Variants in GRIN2B observed in about 807,000 individuals in gnomAD.
The protein encoded by GRIN2B is glutamate receptor ionotropic, NMDA 2B.
Under a neutral mutation model 114.5 loss-of-function variants are expected in GRIN2B, and 5 were observed. The ratio of observed to expected loss-of-function variants is 0.04; its 90% confidence interval spans 0.02 to 0.09. GRIN2B has a LOEUF of 0.09. GRIN2B is among the 10% of genes least tolerant of loss of function. The pLI is 1.00. For missense variants in GRIN2B, 1,108 were observed against 1,943.5 expected (o/e 0.57, Z 8.08); for synonymous variants, 787 against 745.1 (o/e 1.06, Z -0.92).
intron 5 of GRIN2B, among the ~76,000 whole-genome samples, chr12:13,647,200 T>C (rs778353210): frequency 9.9e-5 from 15 of 152,136 alleles, no homozygotes; most frequent in Non-Finnish European, 1.6e-4. Context: ...AAGTATGTGC[T>C]GTTTAAGCCA....
chr12:13,830,765 AT>A (rs1200549014), intron 3 of GRIN2B, among the ~76,000 whole-genome samples: 1 of 152,258 alleles, frequency 6.6e-6, no homozygotes, highest in Non-Finnish European at 1.5e-5. Context: ...TTCTGCCTGA[AT>A]ATTCCTTAAA....
chr12:13,585,360 A>T (rs542756292), intron 10 of GRIN2B, among the ~76,000 whole-genome samples: 3 of 152,156 alleles, frequency 2.0e-5, no homozygotes, highest in Non-Finnish European at 4.4e-5. Context: ...AATCAATCAG[A>T]TCTGTCAGTT....
chr12:13,880,340 C>T (rs570387294), intron 2 of GRIN2B, among the ~76,000 whole-genome samples: 1 of 152,168 alleles, frequency 6.6e-6, no homozygotes, highest in Non-Finnish European at 1.5e-5. Context: ...CAAGAGCCCA[C>T]GGAAGGAATG....
At chr12:13,572,526 A>C (rs903129084) in intron 10 of GRIN2B, among the ~76,000 whole-genome samples, 8 of 152,146 alleles carry the variant, frequency 5.3e-5, no homozygotes, top group Non-Finnish European at 8.8e-5. Context: ...TTTATCCCAC[A>C]TGAGTTGTAG....
In GRIN2B at chr12:13,900,312, G is replaced by A. The variant is rs144544946; in HGVS notation, c.-18-34086C>T. Among the ~76,000 whole-genome samples the A allele has an allele frequency of 8.8e-4, 134 of 151,762 alleles. 1 individual carries two copies. The East Asian group carries it at 0.023, about 26-fold the overall frequency. ...AATGTGGAGAAACCCCGTCTCGACT[G>A]AAAATACAAAAAATTAGCTGGTCAT... On this transcript the variant is annotated intron_variant, in intron 2 of 13. Coordinates refer to ENST00000609686, the MANE Select transcript of GRIN2B (RefSeq NM_000834.5).
intron 5 of GRIN2B, among the ~76,000 whole-genome samples, chr12:13,637,394 T>G (rs1949675349): frequency 1.3e-5 from 2 of 152,150 alleles, no homozygotes; most frequent in African/African-American, 4.8e-5. Flanking sequence ...TGGCCCATGT[T>G]GAGTAGGTTA....
intron 3 of GRIN2B, among the ~76,000 whole-genome samples, chr12:13,774,107 G>C (rs1467628295): frequency 6.6e-6 from 1 of 152,200 alleles, no homozygotes; most frequent in Admixed American, 6.5e-5. Context: ...GTGGATACTA[G>C]AGAGAACTTC....
At chr12:13,583,876 C>T (rs1210687462) in intron 10 of GRIN2B, among the ~76,000 whole-genome samples, 1 of 152,012 alleles carries the variant, frequency 6.6e-6, no homozygotes, top group Admixed American at 6.5e-5. Context: ...CACTGTGAAC[C>T]CCACAGTGCT....
At chr12:13,855,278 A>G (rs1237688249) in intron 3 of GRIN2B, among the ~76,000 whole-genome samples, 4 of 152,068 alleles carry the variant, frequency 2.6e-5, no homozygotes, top group Non-Finnish European at 5.9e-5. Flanking sequence ...CAAAAGCTCT[A>G]TTTGTATCAC....
At position 13,754,061 on chromosome 12, in the gene GRIN2B, A is replaced by C. The variant is rs963609915; in HGVS notation, c.412-146T>G. 1.3e-5 allele frequency: 8 copies of C among 604,554 alleles called. No individual in the cohort carries two copies. The Admixed American group carries it at 2.1e-4, about 16-fold the overall frequency. 37.4% of individuals were successfully genotyped at this position (604,554 alleles called of 1,614,324 possible). A position where few individuals can be genotyped will look rare whatever the true frequency, so the allele number is the denominator to read the frequency against. On this transcript the variant is annotated intron_variant, in intron 3 of 13. Transcript: ENST00000609686. ...CTTTACAAGTTTGTATTTACAATAAATATTTTTAAATATTTAAATTGCAGA... is the reference window on the plus strand; with the variant it reads ...CTTTACAAGTTTGTATTTACAATAACTATTTTTAAATATTTAAATTGCAGA...
At chr12:13,849,009 C>T (rs958226451) in intron 3 of GRIN2B, among the ~76,000 whole-genome samples, 1 of 148,400 alleles carries the variant, frequency 6.7e-6, no homozygotes, top group Non-Finnish European at 1.5e-5. Flanking sequence ...AACTGCAGGG[C>T]CAAATGGGTG....
chr12:13,977,147 T>G (rs1863035371), intron 2 of GRIN2B, among the ~76,000 whole-genome samples: 1 of 152,190 alleles, frequency 6.6e-6, no homozygotes, highest in African/African-American at 2.4e-5. Flanking sequence ...ATTGAGGATT[T>G]TTTCTCTTTC....
chr12:13,745,711 T>G (rs1195498374), intron 4 of GRIN2B, among the ~76,000 whole-genome samples: 2 of 152,228 alleles, frequency 1.3e-5, no homozygotes, highest in Non-Finnish European at 2.9e-5. Context: ...CCAGCTCTAA[T>G]GCTTTGATGC....
At chr12:13,610,851 C>A (rs1949357966) in intron 9 of GRIN2B, among the ~76,000 whole-genome samples, 2 of 152,172 alleles carry the variant, frequency 1.3e-5, no homozygotes, top group Admixed American at 1.3e-4. Context: ...GAGGTCCAAG[C>A]ACCTGTGTCT....
At chr12:13,920,235 G>GAAA (rs11354278) in intron 2 of GRIN2B, among the ~76,000 whole-genome samples, 5 of 139,284 alleles carry the variant, frequency 3.6e-5, no homozygotes, top group Non-Finnish European at 6.2e-5. Context: ...CCTATCTCAA[G>GAAA]AAAAAAAAAA....
chr12:13,959,187 TGACA>T (rs984264037), intron 2 of GRIN2B, among the ~76,000 whole-genome samples: 3 of 151,990 alleles, frequency 2.0e-5, no homozygotes, highest in East Asian at 1.9e-4. Context: ...TTAAAGGAGG[TGACA>T]GACAGAGTTT....
At chr12:13,840,556 T>C (rs147678506) in intron 3 of GRIN2B, among the ~76,000 whole-genome samples, 340 of 152,214 alleles carry the variant, frequency 2.2e-3, no homozygotes, top group African/African-American at 7.9e-3. Context: ...CACAGGATTA[T>C]AGAAAAATAA....
rs895393496 is a variant in GRIN2B, at chr12:13,677,838, T to G, written c.1011-1979A>C. Among the ~76,000 whole-genome samples, 6 of 152,278 alleles carry G rather than the reference T, an allele frequency of 3.9e-5. 1 individual carries two copies. Among genetic ancestry groups the G allele is most frequent in the Admixed American group, 1.3e-4 (2 of 15,288 alleles). On this transcript the variant is annotated intron_variant, in intron 4 of 13. Coordinates refer to ENST00000609686, the MANE Select transcript of GRIN2B (RefSeq NM_000834.5). ...TTCTACATGAGAGTTTCTCAAGTAT[T>G]TGAAGACATTTATCATACATCCCTT...
At chr12:13,790,800 G>T (rs1198269731) in intron 3 of GRIN2B, among the ~76,000 whole-genome samples, 2 of 152,212 alleles carry the variant, frequency 1.3e-5, no homozygotes, top group East Asian at 3.9e-4. Flanking sequence ...GGACCATTAT[G>T]AGGACCTATG....
Sources: allele counts gnomAD v4.1 joint callset (sites outside exome capture counted in the v4.1 genomes callset), GRCh38; gene constraint gnomAD v4.1.1; transcripts MANE v1.5; gene names NCBI Gene and HGNC (gene_info 2026-07-23, HGNC 2026-07-21).